Variants in FHOD3 observed in about 807,000 individuals in gnomAD.
The protein encoded by FHOD3 is FH1/FH2 domain-containing protein 3.
FHOD3 carries 90 observed loss-of-function variants against 173.0 expected under a neutral mutation model. The ratio of observed to expected loss-of-function variants is 0.52; its 90% CI spans 0.44 to 0.62. FHOD3 has a LOEUF of 0.62. Ranked by LOEUF, FHOD3 falls within the 20% of genes least tolerant of loss-of-function variation. The probability of loss-of-function intolerance (pLI) is 0.00; values close to 1 mark genes in which losing one functional copy is unlikely to be tolerated. For synonymous variants in FHOD3, 828 were observed against 823.0 expected, an observed-to-expected ratio of 1.01 and a Z score of -0.10; for missense variants, 1,945 against 2,034.7, an observed-to-expected ratio of 0.96 and a Z score of 0.85.
intron 1 of FHOD3, among the ~76,000 whole-genome samples, chr18:36,304,900 C>A (rs1258655734): frequency 2.6e-5 from 4 of 152,216 alleles, no homozygotes; most frequent in African/African-American, 7.2e-5. Flanking sequence ...CCTGCATAGC[C>A]ACACTGGGGT....
chr18:36,566,954 C>T (rs2058287449), intron 5 of FHOD3, among the ~76,000 whole-genome samples: 1 of 152,158 alleles, frequency 6.6e-6, no homozygotes, highest in South Asian at 2.1e-4. Flanking sequence ...TGTTCTATTT[C>T]ATTTATTGAA....
chr18:36,308,517 A>G (rs1002682653), intron 1 of FHOD3, among the ~76,000 whole-genome samples: 2 of 152,172 alleles, frequency 1.3e-5, no homozygotes, highest in Non-Finnish European at 2.9e-5. Context: ...CCGTGAATAA[A>G]TTACATGTAT....
At chr18:36,397,574 T>C (rs1160745445) in intron 3 of FHOD3, among the ~76,000 whole-genome samples, 2 of 152,222 alleles carry the variant, frequency 1.3e-5, no homozygotes, top group East Asian at 3.8e-4. Context: ...TATATTTTAA[T>C]GTAGATTTAT....
intron 15 of FHOD3, among the ~76,000 whole-genome samples, chr18:36,686,560 G>A (rs1440628067): frequency 2.0e-5 from 3 of 151,638 alleles, no homozygotes; most frequent in Non-Finnish European, 4.4e-5. Flanking sequence ...TAGGTGACGG[G>A]TTGATAGGTG....
rs772644272 is a variant in FHOD3 at position 36,766,034 on chromosome 18, AAAAT to A, written c.4625-3211_4625-3208del. 1.6e-3 allele frequency among the ~76,000 whole-genome samples: 245 copies of A among 152,226 alleles called. 1 individual carries two copies. Among genetic ancestry groups the A allele is most frequent in the Non-Finnish European group, 2.7e-3 (186 of 67,982 alleles). On this transcript the variant is annotated intron_variant, in intron 27 of 28. Coordinates refer to ENST00000590592, the MANE Select transcript of FHOD3 (RefSeq NM_001281740.3). ...AGAACCATACCATAGACAAAGTGCT[AAAAT>A]AAATAAATAAATAAATAAAGATAAA...
At chr18:36,317,913 A>T (rs1312365060) in intron 1 of FHOD3, among the ~76,000 whole-genome samples, 1 of 152,224 alleles carries the variant, frequency 6.6e-6, no homozygotes, top group Non-Finnish European at 1.5e-5. Context: ...ATAAGGTATA[A>T]GGAAGGGATC....
intron 9 of FHOD3, among the ~76,000 whole-genome samples, chr18:36,614,786 G>A (rs1181201921): frequency 6.9e-6 from 1 of 145,286 alleles, no homozygotes; most frequent in Non-Finnish European, 1.5e-5. Context: ...TTGGCTGTCT[G>A]TATAGTTTCT....
intron 23 of FHOD3, among the ~76,000 whole-genome samples, chr18:36,744,818 AG>A (rs1393703668): frequency 1.3e-5 from 2 of 152,242 alleles, no homozygotes; most frequent in African/African-American, 2.4e-5. Context: ...CCTCTAGTGC[AG>A]GGGGTCACTG....
intron 14 of FHOD3, among the ~76,000 whole-genome samples, chr18:36,664,557 C>T (rs2037025646): frequency 6.6e-6 from 1 of 152,118 alleles, no homozygotes. Flanking sequence ...CACAAAGTGA[C>T]TGTGGGCCCT....
intron 11 of FHOD3, 27 bp downstream of exon 11, chr18:36,649,432 TCACACTAAA>T: frequency 1.3e-6 from 2 of 1,515,088 alleles, no homozygotes; most frequent in Non-Finnish European, 1.8e-6. Context: ...CCTCCCAAGC[TCACACTAAA>T]AGTGGGAGAC....
At chr18:36,584,606 A>T (rs943691578) in intron 6 of FHOD3, among the ~76,000 whole-genome samples, 3 of 152,184 alleles carry the variant, frequency 2.0e-5, no homozygotes, top group Non-Finnish European at 2.9e-5. Context: ...ATAGAAATTC[A>T]ATTAAGACTA....
At chr18:36,328,005 G>A (rs1338275196) in intron 1 of FHOD3, among the ~76,000 whole-genome samples, 1 of 152,120 alleles carries the variant, frequency 6.6e-6, no homozygotes, top group East Asian at 1.9e-4. Flanking sequence ...AACCTTAGGT[G>A]TTTCCACTTC....
chr18:36,774,742 A>G (rs1466137529), intron 28 of FHOD3, among the ~76,000 whole-genome samples: 10 of 152,224 alleles, frequency 6.6e-5, no homozygotes, highest in Non-Finnish European at 2.9e-5. Context: ...TCAAACTGGT[A>G]CAGTACTATT....
chr18:36,681,899 A>C (rs951446062), intron 15 of FHOD3, among the ~76,000 whole-genome samples: 1 of 152,164 alleles, frequency 6.6e-6, no homozygotes, highest in South Asian at 2.1e-4. Context: ...TCTCTTCCTA[A>C]TGGTCCTCAT....
chr18:36,492,355 A>G (rs894086048), intron 3 of FHOD3, among the ~76,000 whole-genome samples: 5 of 152,064 alleles, frequency 3.3e-5, no homozygotes, highest in African/African-American at 9.7e-5. Flanking sequence ...TGACATTGCC[A>G]TGGTTTGGGG....
chr18:36,404,258 T>G (rs1208967789), intron 3 of FHOD3, among the ~76,000 whole-genome samples: 2 of 152,186 alleles, frequency 1.3e-5, no homozygotes, highest in African/African-American at 4.8e-5. Context: ...TGTTGCCTGC[T>G]TGGGGTGTTG....
rs549642913 is a variant in FHOD3, at chr18:36,594,054, A to G, written c.607-733A>G. Among the ~76,000 whole-genome samples the G allele has an allele frequency of 2.4e-3, 369 of 152,338 alleles. 2 individuals carry two copies. The highest frequency in any genetic ancestry group is 8.5e-3 in the African/African-American group (352 of 41,584). On this transcript the variant is annotated intron_variant, in intron 6 of 28. Transcript: ENST00000590592. ...CCCGGAGGCTGACCCAGAGACCCCA[A>G]GGCTGCCGCAGCCCCAGGGCTGGTA...
intron 3 of FHOD3, among the ~76,000 whole-genome samples, chr18:36,453,137 T>A (rs1027589864): frequency 5.3e-5 from 8 of 152,208 alleles, no homozygotes; most frequent in Non-Finnish European, 8.8e-5. Context: ...GAGTTCTTTT[T>A]GATCAAACTA....
In FHOD3 at chr18:36,484,397, G is replaced by A. The variant is rs147461465; in HGVS notation, c.338-17535G>A. ...CACATACCAGACTGGCCAGGGAGGA[G>A]CTGCTCTTGAAATTCCTTTTTGGTT... On this transcript the variant is annotated intron_variant, in intron 3 of 28. Transcript: ENST00000590592. Among the ~76,000 whole-genome samples the A allele has an allele frequency of 3.7e-3, 565 of 152,304 alleles. 6 individuals are homozygous for A. The highest frequency in any genetic ancestry group is 0.012 in the African/African-American group (514 of 41,568).
Sources: allele counts gnomAD v4.1 joint callset (sites outside exome capture counted in the v4.1 genomes callset), GRCh38; gene constraint gnomAD v4.1.1; transcripts MANE v1.5; gene names NCBI Gene and HGNC (gene_info 2026-07-23, HGNC 2026-07-21).